The following PHF20 variants were observed in gnomAD, a reference collection of about 807,000 sequenced individuals.
PHF20 encodes glioma-expressed antigen 2.
A neutral mutation model predicts 113.5 loss-of-function variants in PHF20; 23 were observed. That is an observed-to-expected ratio of 0.20 (90% CI 0.15 to 0.29). PHF20 has a LOEUF of 0.29. Ranked by LOEUF, PHF20 falls within the 10% of genes least tolerant of loss-of-function variation. The pLI is 1.00. For synonymous variants in PHF20, 434 were observed against 457.3 expected, an observed-to-expected ratio of 0.95 and a Z score of 0.65; for missense variants, 943 against 1,219.6, an observed-to-expected ratio of 0.77 and a Z score of 3.38.
At chr20:35,906,919 A>G (rs953808431) in intron 10 of PHF20, among the ~76,000 whole-genome samples, 1 of 152,024 alleles carries the variant, frequency 6.6e-6, no homozygotes, top group African/African-American at 2.4e-5. Flanking sequence ...GGTGGGACTC[A>G]TGGTAGGGGA....
chr20:35,788,593 T>C (rs1318894318), intron 1 of PHF20, among the ~76,000 whole-genome samples: 1 of 151,738 alleles, frequency 6.6e-6, no homozygotes, highest in African/African-American at 2.4e-5. Flanking sequence ...CCTCTTTTTT[T>C]TTGAGACGTA....
At chr20:35,924,922 A>G (rs2055597332) in intron 13 of PHF20, among the ~76,000 whole-genome samples, 1 of 152,070 alleles carries the variant, frequency 6.6e-6, no homozygotes, top group African/African-American at 2.4e-5. Context: ...TTTTTAAGCT[A>G]TATAAATATT....
chr20:35,937,336 C>T (rs977131037), intron 15 of PHF20, among the ~76,000 whole-genome samples: 17 of 151,814 alleles, frequency 1.1e-4, no homozygotes, highest in Non-Finnish European at 1.5e-4. Flanking sequence ...GGCATGGTGA[C>T]GCATGCCTGT....
chr20:35,808,698 G>A (rs1339751305), intron 2 of PHF20, among the ~76,000 whole-genome samples: 2 of 151,540 alleles, frequency 1.3e-5, no homozygotes, highest in South Asian at 2.1e-4. Context: ...TCAGCCTCCC[G>A]AGTAGCTGGG....
intron 2 of PHF20, among the ~76,000 whole-genome samples, chr20:35,825,725 T>C (rs200750486): frequency 0.17 from 25,595 of 151,956 alleles, 2,205 homozygotes; most frequent in African/African-American, 0.23. Context: ...TGCCATGAAA[T>C]ACACTACAGC....
Position 35,863,079 on chromosome 20 carries a change from C to G in PHF20, c.487C>G (p.Arg163Gly), listed in dbSNP as rs370884660. 3.1e-6 allele frequency: 5 copies of G among 1,609,574 alleles called. No homozygotes were observed. The African/African-American group carries it at 6.7e-5, about 22-fold the overall frequency. ...AAGTCTTTCATCATCTCCTGATAAACGAGAGAAGTTTAAAGAACAGAGAAA... is the reference window on the plus strand; with the variant it reads ...AAGTCTTTCATCATCTCCTGATAAAGGAGAGAAGTTTAAAGAACAGAGAAA... ...HKSLSSSPDK[R>G]EKFKEQRKAT... Residue 163 changes from arginine to glycine, a missense_variant, in exon 6 of 18, where the codon CGA becomes GGA. Coordinates refer to ENST00000374012, the MANE Select transcript of PHF20 (RefSeq NM_016436.5).
chr20:35,884,602 CATATTTTTTCCTGA>C (rs2054693071), intron 9 of PHF20, among the ~76,000 whole-genome samples: 1 of 152,062 alleles, frequency 6.6e-6, no homozygotes, highest in African/African-American at 2.4e-5. Flanking sequence ...TATGTAGATG[CATATTTTTTCCTGA>C]ATATATTTTT....
chr20:35,931,748 C>T (rs1456699688), intron 15 of PHF20, among the ~76,000 whole-genome samples: 1 of 151,894 alleles, frequency 6.6e-6, no homozygotes, highest in East Asian at 1.9e-4. Context: ...GTAAGGAGTT[C>T]GAGACCAGCC....
At chr20:35,877,417 ATTC>A (rs1450044523) in intron 9 of PHF20, among the ~76,000 whole-genome samples, 3 of 146,944 alleles carry the variant, frequency 2.0e-5, no homozygotes, top group South Asian at 4.3e-4. Flanking sequence ...GCCAGACCCT[ATTC>A]TTTTCTTTCT....
At chr20:35,907,492 G>A (rs193265462) in intron 10 of PHF20, among the ~76,000 whole-genome samples, 1 of 152,248 alleles carries the variant, frequency 6.6e-6, no homozygotes, top group African/African-American at 2.4e-5. Context: ...TGTCCAGAGA[G>A]AGAGTTGACA....
Position 35,917,679 on chromosome 20 carries a change from G to A in PHF20, c.2004+17G>A. 1 of 1,608,156 alleles carries A rather than the reference G, an allele frequency of 6.2e-7. No individual in the cohort carries two copies. The highest frequency in any genetic ancestry group is 8.5e-7 in the Non-Finnish European group (1 of 1,176,990). Reference sequence around the variant, plus strand: ...ATGATTCAGGTAGGCAGAGCTTCCAGGAAACAGGTCTAGAGAAGCACAAAC... The same window carrying A: ...ATGATTCAGGTAGGCAGAGCTTCCAAGAAACAGGTCTAGAGAAGCACAAAC... On this transcript the variant is annotated intron_variant, in intron 13 of 17. Transcript: ENST00000374012.
chr20:35,810,884 T>C (rs1287989381), intron 2 of PHF20, among the ~76,000 whole-genome samples: 1 of 152,140 alleles, frequency 6.6e-6, no homozygotes, highest in African/African-American at 2.4e-5. Context: ...AGACTGAAAG[T>C]GGTTATGTTT....
chr20:35,786,347 C>T (rs1030582806), intron 1 of PHF20, among the ~76,000 whole-genome samples: 3 of 150,384 alleles, frequency 2.0e-5, no homozygotes, highest in Admixed American at 6.6e-5. Flanking sequence ...GCCGAGATCG[C>T]GCCACTGCAT....
chr20:35,915,332 A>G (rs1207559584), intron 12 of PHF20, among the ~76,000 whole-genome samples: 2 of 150,414 alleles, frequency 1.3e-5, no homozygotes, highest in Non-Finnish European at 3.0e-5. Flanking sequence ...GGGTTTATAT[A>G]TATAATTTAT....
chr20:35,831,189 T>C (rs1345995210), intron 2 of PHF20, among the ~76,000 whole-genome samples: 1 of 150,428 alleles, frequency 6.6e-6, no homozygotes, highest in Non-Finnish European at 1.5e-5. Flanking sequence ...ATTTTGGGTC[T>C]CACTCTATCA....
intron 9 of PHF20, among the ~76,000 whole-genome samples, chr20:35,884,069 A>G (rs899834737): frequency 5.3e-5 from 8 of 152,122 alleles, no homozygotes. Flanking sequence ...TTCTTTGGAA[A>G]CATAGGTTTA....
intron 3 of PHF20, among the ~76,000 whole-genome samples, chr20:35,843,456 T>C (rs1482214941): frequency 6.8e-6 from 1 of 146,030 alleles, no homozygotes; most frequent in Non-Finnish European, 1.5e-5. Flanking sequence ...GAGGCGGAGG[T>C]TGCAGTGAGC....
chr20:35,805,580 G>A (rs909512225), intron 2 of PHF20, among the ~76,000 whole-genome samples: 5 of 151,172 alleles, frequency 3.3e-5, no homozygotes, highest in Non-Finnish European at 5.9e-5. Flanking sequence ...TGATCTGCCC[G>A]CCTTGGCTTC....
rs866333143 is a variant in PHF20, at chr20:35,899,309, A to G, written c.1283-61A>G. ...ACCCTCAGTTGTCATGTGTTAATGC[A>G]TGTTTTGTAATAACTGGGATAAATA... On this transcript the variant is annotated intron_variant, in intron 9 of 17. Transcript: ENST00000374012. The G allele has an allele frequency of 7.8e-6, 11 of 1,405,026 alleles. No homozygotes were observed. The African/African-American group carries it at 1.0e-4, about 13-fold the overall frequency. The allele number at this position is 1,405,026 out of a possible 1,614,324, so 87.0% of individuals were successfully genotyped here.
Sources: gnomAD v4.1 joint callset for allele counts (sites outside exome capture counted in the v4.1 genomes callset) on GRCh38, gnomAD v4.1.1 for gene constraint, MANE v1.5 for transcripts, NCBI Gene and HGNC (gene_info 2026-07-23, HGNC 2026-07-21) for gene names.